The following CNOT10 variants were observed in gnomAD, a reference collection of about 807,000 sequenced individuals.
The protein encoded by CNOT10 is CCR4-NOT transcription complex subunit 10.
In CNOT10, 30 loss-of-function variants were observed where a neutral mutation model predicts 94.6. The ratio of observed to expected loss-of-function variants is 0.32; its 90% confidence interval spans 0.24 to 0.43. The LOEUF (loss-of-function observed/expected upper bound fraction) is 0.43, where lower values mean the gene tolerates loss of function less well. CNOT10 is among the 20% of genes least tolerant of loss of function. The pLI is 1.00. For missense variants in CNOT10, 759 were observed against 877.2 expected, an observed-to-expected ratio of 0.87 and a Z score of 1.70; for synonymous variants, 289 against 301.6, an observed-to-expected ratio of 0.96 and a Z score of 0.43.
chr3:32,770,205 G>A (rs1005272411), intron 18 of CNOT10, among the ~76,000 whole-genome samples: 2 of 151,094 alleles, frequency 1.3e-5, no homozygotes, highest in South Asian at 2.1e-4. Flanking sequence ...ATGTGGTCTC[G>A]CTTTGTTGCC....
intron 1 of CNOT10, among the ~76,000 whole-genome samples, chr3:32,699,893 A>G (rs969438045): frequency 6.6e-6 from 1 of 151,976 alleles, no homozygotes; most frequent in Admixed American, 6.6e-5. Context: ...AAGGTGGTCT[A>G]CTATTTCTCA....
intron 7 of CNOT10, among the ~76,000 whole-genome samples, chr3:32,717,735 G>A (rs903017241): frequency 7.2e-5 from 11 of 152,032 alleles, no homozygotes; most frequent in African/African-American, 2.7e-4. Flanking sequence ...GTGTGGTGGC[G>A]TGTGCCTGTA....
intron 14 of CNOT10, 118 bp downstream of exon 14, chr3:32,759,689 C>T: frequency 1.4e-6 from 1 of 737,452 alleles, no homozygotes; most frequent in Admixed American, 2.3e-5. Context: ...GTAAGGAAAG[C>T]AACTGTTTAA....
chr3:32,773,797 C>G lies in CNOT10; in HGVS notation c.*186C>G. On this transcript the variant is annotated 3_prime_UTR_variant, in exon 19 of 19. Coordinates refer to ENST00000328834, the MANE Select transcript of CNOT10 (RefSeq NM_015442.3). Reference sequence around the variant, plus strand: ...TACTAAGTCATCATCAGCTGTTTTTCTTAATTTCAGCCAGACTATTAATTT... The same window carrying G: ...TACTAAGTCATCATCAGCTGTTTTTGTTAATTTCAGCCAGACTATTAATTT... 1.9e-6 allele frequency: 1 copy of G among 539,686 alleles called. No individual in the cohort carries two copies. Among genetic ancestry groups the G allele is most frequent in the South Asian group, 3.5e-5 (1 of 28,452 alleles). 33.4% of individuals were successfully genotyped at this position (539,686 alleles called of 1,614,324 possible).
intron 13 of CNOT10, among the ~76,000 whole-genome samples, chr3:32,754,489 A>ATAT (rs1553637887): frequency 0.024 from 1,695 of 70,114 alleles, 151 homozygotes; most frequent in South Asian, 0.057. Flanking sequence ...AAAAAAAAAA[A>ATAT]ATACATATAT....
intron 18 of CNOT10, among the ~76,000 whole-genome samples, chr3:32,771,668 A>C (rs1031737976): frequency 6.6e-6 from 1 of 152,148 alleles, no homozygotes; most frequent in Non-Finnish European, 1.5e-5. Flanking sequence ...AAATTGATAG[A>C]TATAGTTAGG....
intron 1 of CNOT10, among the ~76,000 whole-genome samples, chr3:32,689,363 A>AAAAAAG (rs1168782826): frequency 1.3e-5 from 2 of 151,888 alleles, no homozygotes; most frequent in Admixed American, 1.3e-4. Flanking sequence ...CAAAAAAAAA[A>AAAAAAG]AAAAAGAAAA....
chr3:32,690,504 C>T (rs752502900), intron 1 of CNOT10, among the ~76,000 whole-genome samples: 8 of 152,048 alleles, frequency 5.3e-5, no homozygotes, highest in Non-Finnish European at 8.8e-5. Flanking sequence ...CTTGCCTTAG[C>T]CTCTTGAGTA....
At chr3:32,749,133 A>T (rs551291492) in intron 13 of CNOT10, among the ~76,000 whole-genome samples, 3 of 151,900 alleles carry the variant, frequency 2.0e-5, no homozygotes, top group African/African-American at 7.3e-5. Flanking sequence ...AGAGTTCTTT[A>T]TATGTCCTAG....
At chr3:32,692,161 A>G (rs776068776) in intron 1 of CNOT10, among the ~76,000 whole-genome samples, 3 of 152,156 alleles carry the variant, frequency 2.0e-5, no homozygotes, top group Non-Finnish European at 4.4e-5. Context: ...TAGGAGTTCA[A>G]GTCCAGCCTG....
In CNOT10 at chr3:32,688,368, G is replaced by C. The variant is rs547770422; in HGVS notation, c.22+2886G>C. ...AATCCCAGCATTTTGGGAGGCTGAGGGGGGTGGATCACCTGAGGTCAGGAG... is the reference window on the plus strand; with the variant it reads ...AATCCCAGCATTTTGGGAGGCTGAGCGGGGTGGATCACCTGAGGTCAGGAG... On this transcript the variant is annotated intron_variant, in intron 1 of 18. Coordinates refer to ENST00000328834, the MANE Select transcript of CNOT10 (RefSeq NM_015442.3). Among the ~76,000 whole-genome samples, 7 of 152,226 alleles carry C rather than the reference G, an allele frequency of 4.6e-5. No individual in the cohort carries two copies. In the South Asian group the frequency reaches 1.2e-3, roughly 27 times the overall value.
chr3:32,685,216 A>C lies in CNOT10; in HGVS notation c.-245A>C. ...GGGTACCGGGACGCCGTGAGGCGGA[A>C]GCTGTGTATGGCGGGAGGCTGTGGC... On this transcript the variant is annotated 5_prime_UTR_variant, in exon 1 of 19. Coordinates refer to ENST00000328834, the MANE Select transcript of CNOT10 (RefSeq NM_015442.3). The C allele has an allele frequency of 7.0e-6, 3 of 426,480 alleles. No individual in the cohort carries two copies. Among genetic ancestry groups the C allele is most frequent in the Non-Finnish European group, 1.3e-5 (3 of 234,820 alleles). The allele number at this position is 426,480 out of a possible 1,614,324, so 26.4% of individuals were successfully genotyped here.
chr3:32,720,891 TTTCCTTCCTTCC>T (rs745348303), intron 8 of CNOT10, among the ~76,000 whole-genome samples: 27,336 of 107,012 alleles, frequency 0.26, 3,891 homozygotes, highest in African/African-American at 0.38. Context: ...TTTTCCTTCT[TTTCCTTCCTTCC>T]TTCCTTCCTT....
At chr3:32,711,831 A>C (rs937532733) in intron 4 of CNOT10, among the ~76,000 whole-genome samples, 1 of 152,208 alleles carries the variant, frequency 6.6e-6, no homozygotes, top group African/African-American at 2.4e-5. Context: ...AGCCACGGGC[A>C]GAAGAGGTAA....
intron 3 of CNOT10, among the ~76,000 whole-genome samples, chr3:32,707,757 C>G (rs926163645): frequency 6.6e-6 from 1 of 151,654 alleles, no homozygotes; most frequent in East Asian, 1.9e-4. Flanking sequence ...GAGCTGAGTT[C>G]GTGCCACTGC....
intron 13 of CNOT10, among the ~76,000 whole-genome samples, chr3:32,752,397 CAAAT>C (rs1575290565): frequency 6.6e-6 from 1 of 152,126 alleles, no homozygotes; most frequent in Non-Finnish European, 1.5e-5. Flanking sequence ...CCTTTTCTAT[CAAAT>C]AAAGCAATTG....
chr3:32,723,743 G>A (rs6550154), intron 8 of CNOT10, among the ~76,000 whole-genome samples: 150,197 of 152,290 alleles, frequency 0.99, 74,106 homozygotes, highest in East Asian at 1. Context: ...TCTATAACAT[G>A]TAAAACAACT....
intron 13 of CNOT10, among the ~76,000 whole-genome samples, chr3:32,755,115 G>A (rs1273536285): frequency 2.0e-5 from 3 of 150,602 alleles, no homozygotes; most frequent in Non-Finnish European, 4.4e-5. Context: ...GTGTGGTGGT[G>A]CACGCCTGTA....
intron 8 of CNOT10, 112 bp downstream of exon 8, chr3:32,720,343 T>G: frequency 2.0e-6 from 1 of 488,578 alleles, no homozygotes. Flanking sequence ...AATTTTTTAA[T>G]GAAAATGTTT....
Sources: allele counts gnomAD v4.1 joint callset (sites outside exome capture counted in the v4.1 genomes callset), GRCh38; gene constraint gnomAD v4.1.1; transcripts MANE v1.5; gene names NCBI Gene and HGNC (gene_info 2026-07-23, HGNC 2026-07-21).